Variants in PIGN observed in about 807,000 individuals in gnomAD.
PIGN encodes phosphatidylinositol glycan anchor biosynthesis class N, also known as GPI ethanolamine phosphate transferase 1.
Under a neutral mutation model 125.4 loss-of-function variants are expected in PIGN, and 117 were observed. The ratio of observed to expected loss-of-function variants is 0.93; its 90% CI spans 0.80 to 1.09. PIGN has a LOEUF of 1.09. PIGN is among the 50% of genes least tolerant of loss of function. The probability of loss-of-function intolerance (pLI) is 0.00; values close to 1 mark genes in which losing one functional copy is unlikely to be tolerated. For missense variants in PIGN, 1,075 were observed against 1,094.9 expected (o/e 0.98, Z 0.26); for synonymous variants, 392 against 377.8 (o/e 1.04, Z -0.44).
At chr18:62,163,745 T>C (rs2037035520) in intron 1 of PIGN, 89 bp from the exon 2 acceptor site, 1 of 152,182 alleles carries the variant, frequency 6.6e-6, no homozygotes, top group African/African-American at 2.4e-5. Flanking sequence ...TCTGTAGTGT[T>C]AAATATATTC....
chr18:62,129,167 G>A (rs918907659), intron 14 of PIGN, among the ~76,000 whole-genome samples: 13 of 152,012 alleles, frequency 8.6e-5, no homozygotes, highest in Admixed American at 3.9e-4. Flanking sequence ...TTCTCTAGTC[G>A]CATCATCCTT....
Position 62,113,159 on chromosome 18 carries a change from AT to A in PIGN, c.1408del (p.Ile470Ter). ...CTTCACTTCTTTACTAACACCTTTTATAAGGTTGGAATGAGACTTGATGATC... is the reference window on the plus strand; with the variant it reads ...CTTCACTTCTTTACTAACACCTTTTAAAGGTTGGAATGAGACTTGATGATC... ...LLIIKSHSNL[I>X]KGVSKEVKKP... On this transcript the variant is annotated frameshift_variant, in exon 16 of 31. Transcript: ENST00000640252. LOFTEE classifies it high-confidence loss of function. 6.2e-7 allele frequency: 1 copy of A among 1,610,548 alleles called. No homozygotes were observed. Among genetic ancestry groups the A allele is most frequent in the South Asian group, 1.1e-5 (1 of 90,584 alleles).
chr18:62,130,253 T>C (rs1369915134), intron 14 of PIGN, among the ~76,000 whole-genome samples: 1 of 152,200 alleles, frequency 6.6e-6, no homozygotes, highest in East Asian at 1.9e-4. Flanking sequence ...TGTGGTAGTT[T>C]GTTATGGCAA....
In PIGN at chr18:62,140,661, C is replaced by A. The variant is rs545792035; in HGVS notation, c.964-182G>T. ...GTGTCATTTGCTAGATGTATATGAACCTATAAAAAAAATTTTGAAAAGAAA... is the reference window on the plus strand; with the variant it reads ...GTGTCATTTGCTAGATGTATATGAAACTATAAAAAAAATTTTGAAAAGAAA... On this transcript the variant is annotated intron_variant, in intron 11 of 30. Transcript: ENST00000640252. Among the ~76,000 whole-genome samples the A allele has an allele frequency of 3.0e-4, 45 of 151,864 alleles. No individual in the cohort carries two copies. In the South Asian group the frequency reaches 5.4e-3, roughly 18 times the overall value.
intron 23 of PIGN, among the ~76,000 whole-genome samples, chr18:62,033,517 G>C (rs2030220283): frequency 6.6e-6 from 1 of 152,286 alleles, no homozygotes; most frequent in East Asian, 1.9e-4. Context: ...CATGCTGATG[G>C]TTCATTAAGC....
At chr18:62,038,519 T>TA (rs1375280786), downstream of PIGN, among the ~76,000 whole-genome samples, 1 of 152,098 alleles carries the variant, frequency 6.6e-6, no homozygotes, top group Non-Finnish European at 1.5e-5. Flanking sequence ...AGAAGGGTCA[T>TA]AAAAAATTTT....
chr18:62,023,643 T>C (rs1050483928), intron 23 of PIGN, among the ~76,000 whole-genome samples: 4 of 152,260 alleles, frequency 2.6e-5, no homozygotes, highest in Non-Finnish European at 5.9e-5. Flanking sequence ...ACTTACAGCA[T>C]CACCACTTTT....
Position 62,082,696 on chromosome 18 carries a change from C to G in PIGN, c.2553G>C (p.Leu851Phe). Reference protein sequence around the residue: ...LVMCAFEAVQLTTQLSSKSLF... With the variant: ...LVMCAFEAVQFTTQLSSKSLF... ...ACCTTTTTGACGATAACTGAGTAGT[C>G]AACTGAACTGCTTCAAAAGCACACA... The change falls in exon 28 of 31, where the codon TTG becomes TTC. Residue 851 changes from leucine (L) to phenylalanine (F), a missense_variant. Leu to Phe is a conservative substitution (Grantham distance 22). This residue lies in a region of PIGN where 915 missense variants were observed against 908.7 expected (regional missense o/e 1.01). Transcript: ENST00000640252. 1 of 1,549,930 alleles carries G rather than the reference C, an allele frequency of 6.5e-7. No individual in the cohort carries two copies. The highest frequency in any genetic ancestry group is 8.8e-7 in the Non-Finnish European group (1 of 1,141,358).
intron 23 of PIGN, among the ~76,000 whole-genome samples, chr18:62,035,199 G>C (rs925134874): frequency 6.6e-6 from 1 of 152,128 alleles, no homozygotes; most frequent in Non-Finnish European, 1.5e-5. Context: ...CAGCCATGTG[G>C]AACTGTAAGT....
chr18:62,137,929 A>C (rs2035994240), intron 14 of PIGN: 1 of 264,944 alleles, frequency 3.8e-6, no homozygotes, highest in Non-Finnish European at 7.1e-6. Flanking sequence ...AACCAAGCCA[A>C]GTGCCAGGAA....
chr18:62,035,799 G>A (rs956791758), intron 23 of PIGN, among the ~76,000 whole-genome samples: 3 of 151,402 alleles, frequency 2.0e-5, no homozygotes, highest in Non-Finnish European at 4.4e-5. Context: ...TTTTTAACAA[G>A]TACTTATATT....
intron 23 of PIGN, among the ~76,000 whole-genome samples, chr18:62,035,860 C>T (rs1258632898): frequency 1.3e-5 from 2 of 152,094 alleles, no homozygotes; most frequent in African/African-American, 4.8e-5. Flanking sequence ...GAGTGCTTAA[C>T]CAAAAAAGGC....
rs544441376 is a variant in PIGN at position 62,114,848 on chromosome 18, T to C, written c.1173-209A>G. Among the ~76,000 whole-genome samples the C allele has an allele frequency of 1.4e-4, 21 of 152,316 alleles. No homozygotes were observed. The South Asian group carries it at 4.4e-3, about 32-fold the overall frequency. ...AAATTTGGTTTTCTTGACTCGAAGT[T>C]TCAAATGCCAAACTACACTTATGAA... On this transcript the variant is annotated intron_variant, in intron 14 of 30. Transcript: ENST00000640252.
At chr18:62,182,376 G>T (rs1470454428) in intron 1 of PIGN, among the ~76,000 whole-genome samples, 1 of 152,188 alleles carries the variant, frequency 6.6e-6, no homozygotes, top group Non-Finnish European at 1.5e-5. Flanking sequence ...CATGAGCCTT[G>T]TCTACTACCT....
At position 62,045,975 on chromosome 18, in the gene PIGN, T is replaced by C. The variant is rs2030648509; in HGVS notation, c.2677A>G (p.Ser893Gly). The change falls in exon 31 of 31, where the codon AGC (serine) becomes GGC (glycine). Residue 893 changes from serine to glycine, a missense_variant. Ser to Gly is a moderately conservative substitution (Grantham distance 56). Coordinates refer to ENST00000640252, the MANE Select transcript of PIGN (RefSeq NM_176787.5). The part of the protein sequence containing the change: ...GSWLDIGTSI[S>G]HYVIVMSMTI... ...ATGGACATGACAATCACATAGTGGCTGATGCTGCAAAAGGAGAAAAAGATG... is the reference window on the plus strand; with the variant it reads ...ATGGACATGACAATCACATAGTGGCCGATGCTGCAAAAGGAGAAAAAGATG... The C allele has an allele frequency of 6.2e-7, 1 of 1,612,132 alleles. No individual in the cohort carries two copies.
At chr18:62,156,873 T>A (rs775164887) in intron 6 of PIGN, among the ~76,000 whole-genome samples, 1 of 152,194 alleles carries the variant, frequency 6.6e-6, no homozygotes, top group East Asian at 1.9e-4. Flanking sequence ...CAAGATTATA[T>A]AGCTGTTAAG....
intron 9 of PIGN, among the ~76,000 whole-genome samples, chr18:62,146,747 CTA>C (rs1232431067): frequency 6.6e-6 from 1 of 152,048 alleles, no homozygotes; most frequent in African/African-American, 2.4e-5. Context: ...CCACTTTTCT[CTA>C]GTTTGTCATT....
At chr18:62,134,540 C>A (rs2035858361) in intron 14 of PIGN, among the ~76,000 whole-genome samples, 1 of 152,242 alleles carries the variant, frequency 6.6e-6, no homozygotes, top group Non-Finnish European at 1.5e-5. Flanking sequence ...AACCTGTTAA[C>A]TGCACTTGTA....
intron 23 of PIGN, among the ~76,000 whole-genome samples, chr18:62,095,549 G>A (rs1175265830): frequency 6.6e-6 from 1 of 152,014 alleles, no homozygotes; most frequent in East Asian, 1.9e-4. Context: ...AAATCAATGA[G>A]ACAAAATTCT....
Sources: gnomAD v4.1 joint callset for allele counts (sites outside exome capture counted in the v4.1 genomes callset) on GRCh38, gnomAD v4.1.1 for gene constraint, gnomAD v4.1.1 regional missense constraint, MANE v1.5 for transcripts, NCBI Gene and HGNC (gene_info 2026-07-23, HGNC 2026-07-21) for gene names.